Variants in BBX observed in about 807,000 individuals in gnomAD.
BBX encodes the protein HMG box transcription factor BBX.
A neutral mutation model predicts 100.2 loss-of-function variants in BBX; 30 were observed. That is an observed-to-expected ratio of 0.30 (90% CI 0.22 to 0.41). The LOEUF (loss-of-function observed/expected upper bound fraction) is 0.41. Among genes scored for constraint, BBX ranks in the 10% least tolerant of loss-of-function variants. The pLI is 1.00. For missense variants in BBX, 1,023 were observed against 1,129.8 expected (o/e 0.91, Z 1.35); for synonymous variants, 376 against 388.1 (o/e 0.97, Z 0.37).
chr3:107,684,133 A>C (rs2108015580), intron 3 of BBX, among the ~76,000 whole-genome samples: 1 of 152,292 alleles, frequency 6.6e-6, no homozygotes, highest in East Asian at 1.9e-4. Flanking sequence ...CTTCAGCAAT[A>C]CCTATTGCAG....
At chr3:107,746,521 T>C (rs1482334598) in intron 8 of BBX, among the ~76,000 whole-genome samples, 1 of 152,238 alleles carries the variant, frequency 6.6e-6, no homozygotes, top group East Asian at 1.9e-4. Flanking sequence ...TGATATTTAT[T>C]CTAAAAATCC....
rs527302124 is a variant in BBX, at chr3:107,799,213, T to A, written c.2551+493T>A. Among the ~76,000 whole-genome samples the A allele has an allele frequency of 2.0e-3, 299 of 151,676 alleles. 1 individual carries two copies. Among genetic ancestry groups the A allele is most frequent in the African/African-American group, 6.8e-3 (281 of 41,334 alleles). The stretch of plus-strand genomic sequence containing the variant: ...AGAATGTTTTAAGAAAGTTTACGAA[T>A]TTGTGTTGGGCTGCATTCAAAGCTG... On this transcript the variant is annotated intron_variant, in intron 16 of 17. Coordinates refer to ENST00000325805, the MANE Select transcript of BBX (RefSeq NM_001142568.3).
chr3:107,698,535 C>T (rs1200796155), intron 3 of BBX, among the ~76,000 whole-genome samples: 1 of 151,210 alleles, frequency 6.6e-6, no homozygotes, highest in East Asian at 1.9e-4. Context: ...TCCTGTAGTC[C>T]CAGAAACTTA....
At chr3:107,785,720 A>G (rs1037399681) in intron 13 of BBX, among the ~76,000 whole-genome samples, 3 of 152,046 alleles carry the variant, frequency 2.0e-5, no homozygotes, top group Non-Finnish European at 2.9e-5. Flanking sequence ...CACAGCTAAC[A>G]TGATACTTAA....
chr3:107,764,178 G>A (rs1258128771), intron 10 of BBX, among the ~76,000 whole-genome samples: 1 of 152,118 alleles, frequency 6.6e-6, no homozygotes. Flanking sequence ...TTCCAGTAGA[G>A]ACAGGGTTTC....
At chr3:107,565,726 G>A (rs964806232) in intron 2 of BBX, among the ~76,000 whole-genome samples, 29 of 151,024 alleles carry the variant, frequency 1.9e-4, no homozygotes, top group Admixed American at 5.3e-4. Flanking sequence ...GATCATGCTC[G>A]GATTACAGGC....
intron 3 of BBX, among the ~76,000 whole-genome samples, chr3:107,701,540 G>C (rs1181184850): frequency 4.6e-5 from 7 of 152,204 alleles, no homozygotes; most frequent in Non-Finnish European, 1.0e-4. Context: ...TGTGAAGCCA[G>C]ACCGCTGAGT....
chr3:107,801,326 T>G, intron 17 of BBX, 45 bp downstream of exon 17: 1 of 1,584,904 alleles, frequency 6.3e-7, no homozygotes, highest in Non-Finnish European at 8.6e-7. Context: ...GGAAACCAGA[T>G]CAACCTCTTT....
At chr3:107,597,643 A>G (rs962618237) in intron 2 of BBX, among the ~76,000 whole-genome samples, 3 of 152,216 alleles carry the variant, frequency 2.0e-5, no homozygotes, top group African/African-American at 7.2e-5. Flanking sequence ...ATTTCTTTCA[A>G]TGATTTATCA....
At chr3:107,585,661 T>G (rs1197949168) in intron 2 of BBX, among the ~76,000 whole-genome samples, 3 of 152,162 alleles carry the variant, frequency 2.0e-5, no homozygotes, top group Non-Finnish European at 4.4e-5. Context: ...TGGAAAATGT[T>G]TTATCAAAAT....
chr3:107,711,319 C>T (rs555918444), intron 4 of BBX: 24 of 471,140 alleles, frequency 5.1e-5, no homozygotes, highest in African/African-American at 3.8e-4. Flanking sequence ...TTGCCTGTCT[C>T]GTCCTTTCCT....
At chr3:107,534,193 A>G (rs1473878653) in intron 2 of BBX, among the ~76,000 whole-genome samples, 1 of 152,206 alleles carries the variant, frequency 6.6e-6, no homozygotes, top group Non-Finnish European at 1.5e-5. Context: ...TCCTTGGTGT[A>G]GGAAAGCCAC....
intron 9 of BBX, among the ~76,000 whole-genome samples, chr3:107,752,281 C>T (rs1173406039): frequency 6.6e-6 from 1 of 152,166 alleles, no homozygotes; most frequent in Non-Finnish European, 1.5e-5. Context: ...CATTTATTTT[C>T]ATGAGGGAAT....
At chr3:107,548,140 G>C (rs559943809) in intron 2 of BBX, among the ~76,000 whole-genome samples, 1 of 152,272 alleles carries the variant, frequency 6.6e-6, no homozygotes, top group East Asian at 1.9e-4. Flanking sequence ...AATGTCATTT[G>C]TACCACTTCT....
At chr3:107,761,703 G>A (rs1292080481) in intron 10 of BBX, among the ~76,000 whole-genome samples, 2 of 152,118 alleles carry the variant, frequency 1.3e-5, no homozygotes, top group East Asian at 1.9e-4. Context: ...TGCTGAGGGT[G>A]GGGGAAAGAG....
At chr3:107,719,596 C>T (rs187748262) in intron 5 of BBX, among the ~76,000 whole-genome samples, 12 of 152,014 alleles carry the variant, frequency 7.9e-5, no homozygotes, top group Admixed American at 1.3e-4. Context: ...AGGCTGATTG[C>T]ACATTTTGTG....
At chr3:107,596,269 G>A (rs910674726) in intron 2 of BBX, among the ~76,000 whole-genome samples, 10 of 152,126 alleles carry the variant, frequency 6.6e-5, no homozygotes, top group African/African-American at 2.4e-4. Flanking sequence ...CAGGAATGGG[G>A]GTAGGGACTT....
chr3:107,670,382 T>C (rs1469901852), intron 3 of BBX, among the ~76,000 whole-genome samples: 2 of 152,076 alleles, frequency 1.3e-5, no homozygotes, highest in Non-Finnish European at 2.9e-5. Context: ...ATGACTGTAG[T>C]TAATAATAAT....
chr3:107,715,461 T>G (rs1297941875), intron 4 of BBX, among the ~76,000 whole-genome samples: 1 of 152,202 alleles, frequency 6.6e-6, no homozygotes, highest in African/African-American at 2.4e-5. Context: ...TCCCAAGCAT[T>G]TTAGATAAGG....
Sources: gnomAD v4.1 joint callset for allele counts (sites outside exome capture counted in the v4.1 genomes callset) on GRCh38, gnomAD v4.1.1 for gene constraint, MANE v1.5 for transcripts, NCBI Gene and HGNC (gene_info 2026-07-23, HGNC 2026-07-21) for gene names.